SYNE1: variants seen among roughly 807,000 people sequenced by gnomAD.
SYNE1 encodes the protein spectrin repeat containing nuclear envelope protein 1.
Under a neutral mutation model 1,111.0 loss-of-function variants are expected in SYNE1, and 616 were observed. The ratio of observed to expected loss-of-function variants is 0.55; its 90% CI spans 0.52 to 0.59. The LOEUF (loss-of-function observed/expected upper bound fraction) is 0.59. SYNE1 is among the 20% of genes least tolerant of loss of function. The pLI is 0.00. For synonymous variants in SYNE1, 3,855 were observed against 3,825.8 expected (o/e 1.01, Z -0.28); for missense variants, 10,006 against 10,417.0 (o/e 0.96, Z 1.72).
At chr6:152,550,592 T>A (rs1394293816) in intron 3 of SYNE1, among the ~76,000 whole-genome samples, 2 of 151,574 alleles carry the variant, frequency 1.3e-5, no homozygotes, top group East Asian at 3.9e-4. Flanking sequence ...GACAGATGCA[T>A]CAGCCTTGAA....
At chr6:152,301,148 T>C (rs1347976576) in intron 92 of SYNE1, among the ~76,000 whole-genome samples, 1 of 152,188 alleles carries the variant, frequency 6.6e-6, no homozygotes, top group Non-Finnish European at 1.5e-5. Context: ...TTTGTGGACA[T>C]CTCAAGTTTC....
intron 3 of SYNE1, among the ~76,000 whole-genome samples, chr6:152,581,589 T>C (rs2099519788): frequency 6.6e-6 from 1 of 152,192 alleles, no homozygotes; most frequent in Non-Finnish European, 1.5e-5. Context: ...CACCAACGTC[T>C]CATCCGTCAC....
At chr6:152,177,625 G>A (rs553368103) in intron 129 of SYNE1, among the ~76,000 whole-genome samples, 1 of 152,210 alleles carries the variant, frequency 6.6e-6, no homozygotes, top group African/African-American at 2.4e-5. Context: ...GCTGACTGCT[G>A]TCCTCATACC....
At chr6:152,178,778 G>A (rs898877848) in intron 129 of SYNE1, among the ~76,000 whole-genome samples, 1 of 152,008 alleles carries the variant, frequency 6.6e-6, no homozygotes, top group East Asian at 1.9e-4. Flanking sequence ...TTTGGACAAT[G>A]AATAAGTAAA....
At chr6:152,197,921 A>C (rs1262370238) in intron 127 of SYNE1, among the ~76,000 whole-genome samples, 1 of 152,088 alleles carries the variant, frequency 6.6e-6, no homozygotes, top group Non-Finnish European at 1.5e-5. Flanking sequence ...TAAGCTATTA[A>C]ATTTCTCAAT....
At chr6:152,531,220 T>A (rs901201821) in intron 4 of SYNE1, among the ~76,000 whole-genome samples, 20 of 151,892 alleles carry the variant, frequency 1.3e-4, no homozygotes, top group Middle Eastern at 3.4e-3. Context: ...AAAAAAAAAA[T>A]TTGAGATTGC....
chr6:152,481,675 G>A (rs2098901077), intron 14 of SYNE1: 2 of 381,426 alleles, frequency 5.2e-6, no homozygotes, highest in Middle Eastern at 7.7e-4. Flanking sequence ...AGATGTTATT[G>A]TTTGTGTAAT....
Position 152,451,053 on chromosome 6 carries a change from C to T in SYNE1, c.3180G>A (p.Glu1060=). 6.2e-7 allele frequency: 1 copy of T among 1,614,154 alleles called. No homozygotes were observed. Among genetic ancestry groups the T allele is most frequent in the South Asian group, 1.1e-5 (1 of 91,086 alleles). The part of the protein sequence containing the change: ...PQEGSEKIIK[E]HRVFFSDKGP... Reference sequence around the variant, plus strand: ...TGTGGTGTGGGAGACGTACCCTGTGCTCTTTAATTATCTTTTCACTGCCTT... The same window carrying T: ...TGTGGTGTGGGAGACGTACCCTGTGTTCTTTAATTATCTTTTCACTGCCTT... The change falls in exon 26 of 146, where the codon GAG becomes GAA. Residue 1060 remains glutamate (E), a synonymous_variant. Coordinates refer to ENST00000367255, the MANE Select transcript of SYNE1 (RefSeq NM_182961.4).
chr6:152,488,757 A>G (rs2098955028), intron 11 of SYNE1, among the ~76,000 whole-genome samples: 1 of 151,302 alleles, frequency 6.6e-6, no homozygotes, highest in African/African-American at 2.4e-5. Context: ...CGCTAATTTA[A>G]TAAAGAAAAT....
chr6:152,527,996 C>T (rs1435153405), intron 4 of SYNE1, among the ~76,000 whole-genome samples: 1 of 152,146 alleles, frequency 6.6e-6, no homozygotes, highest in South Asian at 2.1e-4. Flanking sequence ...CGATCAGCAG[C>T]GACAGCTGAA....
At chr6:152,367,186 G>C in intron 62 of SYNE1, 32 bp downstream of exon 62, 1 of 1,614,016 alleles carries the variant, frequency 6.2e-7, no homozygotes, top group Non-Finnish European at 8.5e-7. Flanking sequence ...AAATTCTGTA[G>C]GTTGGAGATA....
chr6:152,140,766 G>A (rs1163977935), intron 139 of SYNE1, among the ~76,000 whole-genome samples: 1 of 152,160 alleles, frequency 6.6e-6, no homozygotes, highest in Non-Finnish European at 1.5e-5. Context: ...AGGTGTGGTG[G>A]CTCACGCCTG....
At chr6:152,623,204 C>T (rs374740154) in intron 3 of SYNE1, among the ~76,000 whole-genome samples, 186 of 152,144 alleles carry the variant, frequency 1.2e-3, no homozygotes, top group African/African-American at 4.2e-3. Flanking sequence ...CACATAGCAA[C>T]AAACATCTGA....
At chr6:152,247,650 A>T (rs1340121885) in intron 105 of SYNE1, among the ~76,000 whole-genome samples, 1 of 150,386 alleles carries the variant, frequency 6.6e-6, no homozygotes, top group Non-Finnish European at 1.5e-5. Context: ...GAACTGCTTG[A>T]GCCCAGGAGT....
At chr6:152,412,268 A>G (rs2098070993) in intron 42 of SYNE1, among the ~76,000 whole-genome samples, 1 of 151,804 alleles carries the variant, frequency 6.6e-6, no homozygotes, top group Non-Finnish European at 1.5e-5. Context: ...AAAAATACAA[A>G]AAAAAATTAG....
intron 5 of SYNE1, among the ~76,000 whole-genome samples, chr6:152,522,481 T>G (rs960744716): frequency 1.3e-5 from 2 of 152,128 alleles, no homozygotes; most frequent in African/African-American, 4.8e-5. Flanking sequence ...TTAGGTTGGG[T>G]CCATATCTTT....
chr6:152,309,495 A>T (rs887438051), intron 90 of SYNE1, among the ~76,000 whole-genome samples: 2 of 152,240 alleles, frequency 1.3e-5, no homozygotes, highest in African/African-American at 2.4e-5. Flanking sequence ...GTAACACAAG[A>T]TAACAGTAAA....
intron 130 of SYNE1, 127 bp from the exon 131 acceptor site, chr6:152,164,452 G>A: frequency 1.8e-6 from 2 of 1,085,302 alleles, no homozygotes; most frequent in South Asian, 1.4e-5. Context: ...TGTGGAAGAA[G>A]CCAAAGACAG....
At chr6:152,399,444 G>T (rs2097779969) in intron 48 of SYNE1, among the ~76,000 whole-genome samples, 172 bp downstream of exon 48, 1 of 152,068 alleles carries the variant, frequency 6.6e-6, no homozygotes, top group Admixed American at 6.5e-5. Flanking sequence ...TTCTGCATAG[G>T]GTGAGAGCCT....
Sources: allele counts gnomAD v4.1 joint callset (sites outside exome capture counted in the v4.1 genomes callset), GRCh38; gene constraint gnomAD v4.1.1; transcripts MANE v1.5; gene names NCBI Gene and HGNC (gene_info 2026-07-23, HGNC 2026-07-21).